ADAMTS14: variants seen among roughly 807,000 people sequenced by gnomAD.
ADAMTS14 encodes the protein ADAM metallopeptidase with thrombospondin type 1 motif 14.
A neutral mutation model predicts 128.6 loss-of-function variants in ADAMTS14; 100 were observed. That is an observed-to-expected ratio of 0.78 (90% CI 0.66 to 0.92). The LOEUF is 0.92. Among genes scored for constraint, ADAMTS14 ranks in the 40% least tolerant of loss-of-function variants. The pLI is 0.00. For missense variants in ADAMTS14, 1,562 were observed against 1,658.6 expected, an observed-to-expected ratio of 0.94 and a Z score of 1.01; for synonymous variants, 665 against 653.8, an observed-to-expected ratio of 1.02 and a Z score of -0.26.
In ADAMTS14 at chr10:70,674,879, T is replaced by A. The variant is rs1193227801; in HGVS notation, c.406T>A (p.Trp136Arg). 1 of 1,613,526 alleles carries A rather than the reference T, an allele frequency of 6.2e-7. No homozygotes were observed. Among genetic ancestry groups the A allele is most frequent in the Non-Finnish European group, 8.5e-7 (1 of 1,180,008 alleles). ...GGTAGTGCCAGGATCCTCAGTGGAGTGGCAGGAGGATTTTCGGGAGCTGTT... is the reference window on the plus strand; with the variant it reads ...GGTAGTGCCAGGATCCTCAGTGGAGAGGCAGGAGGATTTTCGGGAGCTGTT... ...RLVVPGSSVE[W>R]QEDFRELFRQ... is the part of the protein sequence containing the mutation. Residue 136 changes from tryptophan (W) to arginine (R), a missense_variant, in exon 2 of 22, where the codon TGG becomes AGG. Trp to Arg is a moderately radical substitution (Grantham distance 101). Coordinates refer to ENST00000373207, the MANE Select transcript of ADAMTS14 (RefSeq NM_080722.4).
At chr10:70,687,361 G>A (rs1373567442) in intron 2 of ADAMTS14, among the ~76,000 whole-genome samples, 5 of 73,288 alleles carry the variant, frequency 6.8e-5, no homozygotes, top group Admixed American at 1.5e-4. Flanking sequence ...CCTCCCGGAC[G>A]GGGCGGCTGG....
chr10:70,756,368 T>C (rs1040597738), intron 19 of ADAMTS14, among the ~76,000 whole-genome samples: 1 of 152,220 alleles, frequency 6.6e-6, no homozygotes, highest in South Asian at 2.1e-4. Flanking sequence ...TATAGCTTCA[T>C]TTGTTTTGAT....
intron 2 of ADAMTS14, among the ~76,000 whole-genome samples, chr10:70,696,597 A>G (rs1840338527): frequency 6.6e-6 from 1 of 152,102 alleles, no homozygotes; most frequent in South Asian, 2.1e-4. Context: ...GTGAGAGAGT[A>G]TGGGTGTTTG....
intron 1 of ADAMTS14, among the ~76,000 whole-genome samples, chr10:70,673,796 T>C (rs986323851): frequency 6.6e-6 from 1 of 152,190 alleles, no homozygotes; most frequent in East Asian, 1.9e-4. Context: ...CTGCCCAGCC[T>C]GGCTGGGCTC....
At position 70,736,722 on chromosome 10, in the gene ADAMTS14, C is replaced by A. The variant is rs1284108008; in HGVS notation, c.1528C>A (p.Pro510Thr). Residue 510 changes from proline to threonine, a missense_variant, in exon 10 of 22, where the codon CCT becomes ACT. By Grantham distance (38) the Pro-to-Thr change is conservative. Transcript: ENST00000373207. The part of the protein sequence containing the change: ...EPCKQLWCSH[P>T]DNPYFCKTKK... The stretch of plus-strand genomic sequence containing the variant: ...CTGCAAGCAGCTGTGGTGCAGCCAT[C>A]CTGACAACCCGTACTTCTGCAAGAC... The A allele has an allele frequency of 2.5e-6, 4 of 1,613,764 alleles. No individual in the cohort carries two copies. Among genetic ancestry groups the A allele is most frequent in the African/African-American group, 2.7e-5 (2 of 74,886 alleles).
chr10:70,686,867 T>G (rs28433854), intron 2 of ADAMTS14, among the ~76,000 whole-genome samples: 18 of 34,672 alleles, frequency 5.2e-4, no homozygotes, highest in African/African-American at 1.6e-3. Flanking sequence ...GGCGGCTGGC[T>G]GGGCGGGGGG....
Position 70,741,046 on chromosome 10 carries a change from G to A in ADAMTS14, c.1808G>A (p.Ser603Asn), listed in dbSNP as rs373280447. 1.1e-5 allele frequency: 17 copies of A among 1,614,034 alleles called. No homozygotes were observed. Among genetic ancestry groups the A allele is most frequent in the Non-Finnish European group, 1.4e-5 (17 of 1,180,048 alleles). The change falls in exon 12 of 22, where the codon AGC becomes AAC. Residue 603 changes from serine to asparagine, a missense_variant. Physicochemically the swap from Ser to Asn is conservative, Grantham distance 46. Transcript: ENST00000373207. ...GPMFEYQVCN[S>N]EECPGTYEDF... ...ATGTTCGAGTACCAGGTCTGCAACA[G>A]CGAGGAGTGCCCTGGGACCTACGAG...
intron 4 of ADAMTS14, among the ~76,000 whole-genome samples, 176 bp from the exon 5 acceptor site, chr10:70,729,118 G>A (rs1471286548): frequency 6.7e-6 from 1 of 148,232 alleles, no homozygotes; most frequent in Non-Finnish European, 1.5e-5. Flanking sequence ...GTGTGTCCTC[G>A]GGCAGGTCAT....
Position 70,741,144 on chromosome 10 carries a change from C to A in ADAMTS14, c.1906C>A (p.Pro636Thr). 6.2e-7 allele frequency: 1 copy of A among 1,613,226 alleles called. No homozygotes were observed. ...VHQNAKHSWVPYEPDDDAQKC... is the reference protein window; with the variant it reads ...VHQNAKHSWVTYEPDDDAQKC... ...CCAGAATGCCAAGCACAGCTGGGTG[C>A]CCTACGAGCCTGACGATGGTGAGTG... Residue 636 changes from proline to threonine, a missense_variant, in exon 12 of 22, where the codon CCC (proline) becomes ACC (threonine). Coordinates refer to ENST00000373207, the MANE Select transcript of ADAMTS14 (RefSeq NM_080722.4).
intron 6 of ADAMTS14, 109 bp from the exon 7 acceptor site, chr10:70,732,145 T>A: frequency 1.1e-6 from 1 of 952,008 alleles, no homozygotes; most frequent in Middle Eastern, 2.5e-4. Context: ...TCCAGGAACG[T>A]CCCCACTCCA....
intron 2 of ADAMTS14, among the ~76,000 whole-genome samples, chr10:70,696,758 G>A (rs1840343430): frequency 6.6e-6 from 1 of 152,188 alleles, no homozygotes; most frequent in Non-Finnish European, 1.5e-5. Context: ...TGGGGGAAGA[G>A]AAGGAGCCAC....
intron 2 of ADAMTS14, among the ~76,000 whole-genome samples, chr10:70,677,571 T>C (rs537511194): frequency 2.2e-4 from 34 of 152,016 alleles, no homozygotes; most frequent in African/African-American, 7.0e-4. Context: ...CTTGCCTGGG[T>C]CCCCCTCCCC....
intron 4 of ADAMTS14, among the ~76,000 whole-genome samples, chr10:70,727,579 C>T (rs931993004): frequency 6.6e-6 from 1 of 151,784 alleles, no homozygotes; most frequent in African/African-American, 2.4e-5. Context: ...GCATCACATC[C>T]CTGACTGCGC....
At chr10:70,691,089 C>CTTT (rs1840171596) in intron 2 of ADAMTS14, among the ~76,000 whole-genome samples, 1 of 144,906 alleles carries the variant, frequency 6.9e-6, no homozygotes, top group South Asian at 2.2e-4. Flanking sequence ...GAGGGGTTTG[C>CTTT]AGCAGAAGGC....
chr10:70,760,449 T>G lies in ADAMTS14; in HGVS notation c.3268T>G (p.Cys1090Gly). 1 of 1,613,830 alleles carries G rather than the reference T, an allele frequency of 6.2e-7. No homozygotes were observed. The highest frequency in any genetic ancestry group is 8.5e-7 in the Non-Finnish European group (1 of 1,179,974). ...CSIPGYHRLC[C>G]VSCIKKASGP... ...CATTCCCGGCTACCACCGGCTCTGC[T>G]GTGTGTCCTGCATCAAGAAGGCCTC... Residue 1090 changes from cysteine (C) to glycine (G), a missense_variant, in exon 22 of 22, where the codon TGT (cysteine) becomes GGT (glycine). Transcript: ENST00000373207.
intron 4 of ADAMTS14, among the ~76,000 whole-genome samples, chr10:70,711,150 A>G (rs1042592646): frequency 3.9e-5 from 6 of 152,220 alleles, no homozygotes; most frequent in Admixed American, 6.5e-5. Flanking sequence ...TTATAAGAGT[A>G]ATTGGAACTA....
At chr10:70,702,247 C>A in intron 2 of ADAMTS14, 65 bp from the exon 3 acceptor site, 2 of 1,605,904 alleles carry the variant, frequency 1.2e-6, no homozygotes, top group Non-Finnish European at 1.7e-6. Flanking sequence ...GCTCGCCTGT[C>A]GGCTGTACTG....
intron 4 of ADAMTS14, among the ~76,000 whole-genome samples, chr10:70,713,639 C>T (rs1178670348): frequency 1.3e-5 from 2 of 152,222 alleles, no homozygotes; most frequent in African/African-American, 4.8e-5. Context: ...TTCTTGCCCT[C>T]CTAGGGAAGA....
In ADAMTS14 at chr10:70,727,353, T is replaced by C. The variant is rs1000461731; in HGVS notation, c.871-1941T>C. 6.6e-5 allele frequency among the ~76,000 whole-genome samples: 10 copies of C among 152,308 alleles called. No homozygotes were observed. In the South Asian group the frequency reaches 1.9e-3, roughly 28 times the overall value. ...CTCCGTGTGGTGGACAATGGTTGCT[T>C]TGTGGGTTGTAGGTTGATCACTTTG... On this transcript the variant is annotated intron_variant, in intron 4 of 21. Coordinates refer to ENST00000373207, the MANE Select transcript of ADAMTS14 (RefSeq NM_080722.4).
Sources: gnomAD v4.1 joint callset for allele counts (sites outside exome capture counted in the v4.1 genomes callset) on GRCh38, gnomAD v4.1.1 for gene constraint, MANE v1.5 for transcripts, NCBI Gene and HGNC (gene_info 2026-07-23, HGNC 2026-07-21) for gene names.